WDR20: variants seen among roughly 807,000 people sequenced by gnomAD.
WDR20 encodes WD repeat domain 20, also known as WD repeat-containing protein 20.
Under a neutral mutation model 38.7 loss-of-function variants are expected in WDR20, and 3 were observed. The observed-to-expected ratio is 0.08, with a 90% CI of 0.04 to 0.20. WDR20 has a LOEUF of 0.20. WDR20 is among the 10% of genes least tolerant of loss of function. The pLI is 1.00. For synonymous variants in WDR20, 298 were observed against 285.6 expected, an observed-to-expected ratio of 1.04 and a Z score of -0.44; for missense variants, 559 against 727.7, an observed-to-expected ratio of 0.77 and a Z score of 2.67.
intron 1 of WDR20, among the ~76,000 whole-genome samples, chr14:102,176,826 C>G (rs1231780655): frequency 6.6e-6 from 1 of 151,954 alleles, no homozygotes; most frequent in African/African-American, 2.4e-5. Context: ...CTCCGCCTCC[C>G]GGGTTCATTC....
intron 1 of WDR20, among the ~76,000 whole-genome samples, chr14:102,149,478 A>G (rs1470648164): frequency 1.3e-5 from 2 of 152,244 alleles, no homozygotes; most frequent in Non-Finnish European, 2.9e-5. Context: ...TTGGGTTTCA[A>G]ATAGATAATT....
In WDR20 at chr14:102,209,891, G is replaced by T. The variant is rs376704374; in HGVS notation, c.*11G>T. ...AGTTTTAATCCTTAATGCTGCACCA[G>T]ATCTAGAACTTGAATAGGTAGTGAC... On this transcript the variant is annotated 3_prime_UTR_variant, in exon 3 of 3. Transcript: ENST00000342702. The surrounding 1 kb of genome is among the most constrained non-coding windows in gnomAD (Gnocchi z 6.0). The T allele has an allele frequency of 5.7e-6, 9 of 1,585,348 alleles. No homozygotes were observed. In the African/African-American group the frequency reaches 1.2e-4, roughly 22 times the overall value.
chr14:102,202,415 T>C (rs1337330111), intron 2 of WDR20, among the ~76,000 whole-genome samples: 2 of 137,462 alleles, frequency 1.5e-5, no homozygotes, highest in Non-Finnish European at 3.1e-5. Context: ...AGTCTCGCTC[T>C]GTCGCCCAGG....
At chr14:102,195,905 G>A (rs1180986591) in intron 2 of WDR20, 1 of 152,200 alleles carries the variant, frequency 6.6e-6, no homozygotes, top group Non-Finnish European at 1.5e-5. Context: ...AAAAGATAAG[G>A]TAGGCTTGCT....
chr14:102,150,049 G>T (rs1458859527), intron 1 of WDR20, among the ~76,000 whole-genome samples: 1 of 152,128 alleles, frequency 6.6e-6, no homozygotes, highest in East Asian at 1.9e-4. Flanking sequence ...CTAAAAACAT[G>T]CCAAATCAGT....
intron 1 of WDR20, among the ~76,000 whole-genome samples, chr14:102,147,978 G>T (rs530808035): frequency 2.6e-5 from 4 of 152,318 alleles, no homozygotes; most frequent in South Asian, 4.1e-4. Context: ...TGATCCACCT[G>T]CCTGGGCCTC....
At position 102,221,325 on chromosome 14, in the gene WDR20, T is replaced by C. The variant is rs542640829; in HGVS notation, c.1693-1505T>C. On this transcript the variant is annotated intron_variant, in intron 3 of 3. Coordinates refer to the WDR20 transcript ENST00000335263. This position sits in a 1 kb window ranked among gnomAD's most constrained non-coding sequence, Gnocchi z 4.8. ...GGTGCCTCCTGGTTCTGGAGATTTG[T>C]CACTTCCTGGACACCACATAGCTTG... Among the ~76,000 whole-genome samples, 8 of 152,338 alleles carry C rather than the reference T, an allele frequency of 5.3e-5. No homozygotes were observed. In the South Asian group the frequency reaches 1.4e-3, roughly 28 times the overall value.
chr14:102,173,019 C>T (rs930598646), intron 1 of WDR20, among the ~76,000 whole-genome samples: 2 of 150,996 alleles, frequency 1.3e-5, no homozygotes, highest in Non-Finnish European at 3.0e-5. Context: ...GATGGGCGGC[C>T]GGGCAGAGAC....
At chr14:102,139,855 A>G (rs1239919986), upstream of WDR20, 3 of 1,577,392 alleles carry the variant, frequency 1.9e-6, no homozygotes, top group Admixed American at 3.4e-5. Flanking sequence ...AAGAGGGAGC[A>G]CCAGGAACAG....
At chr14:102,201,611 T>C (rs1328700602) in intron 2 of WDR20, among the ~76,000 whole-genome samples, 1 of 151,190 alleles carries the variant, frequency 6.6e-6, no homozygotes, top group Non-Finnish European at 1.5e-5. Context: ...GCTGGAACTA[T>C]GGGGAGGGCC....
chr14:102,190,994 C>T (rs937906283), intron 1 of WDR20, among the ~76,000 whole-genome samples: 2 of 145,530 alleles, frequency 1.4e-5, no homozygotes, highest in Admixed American at 1.4e-4. Context: ...GAGCGAGACT[C>T]TATCTCAAAA....
rs761498095 is a variant in WDR20 at position 102,209,401 on chromosome 14, G to C, written c.1231G>C (p.Ala411Pro). The C allele has an allele frequency of 4.4e-5, 71 of 1,614,050 alleles. 1 individual carries two copies. The Admixed American group carries it at 1.1e-3, about 26-fold the overall frequency. The change falls in exon 3 of 3, where the codon GCT becomes CCT. Residue 411 changes from alanine (A) to proline (P), a missense_variant. Transcript: ENST00000342702. The surrounding 1 kb of genome is among the most constrained non-coding windows in gnomAD (Gnocchi z 6.0). ...TNVMNATSPP[A>P]GSNGNSVTTP... ...TGTCATGAATGCCACGAGTCCTCCT[G>C]CTGGAAGCAATGGGAACAGTGTTAC... is the stretch of plus-strand genomic sequence containing the variant.
At chr14:102,164,038 G>A (rs1187793035) in intron 1 of WDR20, among the ~76,000 whole-genome samples, 1 of 152,128 alleles carries the variant, frequency 6.6e-6, no homozygotes, top group Non-Finnish European at 1.5e-5. Context: ...GGCTTTCCTT[G>A]ATGTGGCAGC....
At chr14:102,184,906 C>T (rs1046123858) in intron 1 of WDR20, among the ~76,000 whole-genome samples, 6 of 152,088 alleles carry the variant, frequency 3.9e-5, no homozygotes, top group Non-Finnish European at 2.9e-5. Context: ...ATCAGAAGCG[C>T]GCTAGAGACA....
downstream of WDR20, among the ~76,000 whole-genome samples, chr14:102,216,033 C>T (rs531096994): frequency 1.2e-4 from 19 of 152,306 alleles, 1 homozygote; most frequent in South Asian, 3.9e-3. Flanking sequence ...ACATCCAGGT[C>T]CCACTCAGCC....
At chr14:102,168,963 C>T (rs1175973459) in intron 1 of WDR20, among the ~76,000 whole-genome samples, 1 of 152,192 alleles carries the variant, frequency 6.6e-6, no homozygotes, top group Admixed American at 6.5e-5. Flanking sequence ...TAGGTCAGAT[C>T]ATATTCTTCG....
At chr14:102,197,426 T>A (rs1178499529) in intron 2 of WDR20, among the ~76,000 whole-genome samples, 1 of 152,196 alleles carries the variant, frequency 6.6e-6, no homozygotes, top group Non-Finnish European at 1.5e-5. Flanking sequence ...AATGTTAAGT[T>A]CACTGGGGGA....
chr14:102,156,429 A>G (rs572991659), intron 1 of WDR20, among the ~76,000 whole-genome samples: 7 of 152,100 alleles, frequency 4.6e-5, no homozygotes, highest in South Asian at 4.2e-4. Flanking sequence ...CGGCCTCCCA[A>G]AGTGCTGGGA....
At chr14:102,190,817 A>T (rs1278891171) in intron 1 of WDR20, among the ~76,000 whole-genome samples, 2 of 152,102 alleles carry the variant, frequency 1.3e-5, no homozygotes, top group African/African-American at 2.4e-5. Flanking sequence ...CATGGCCAAC[A>T]TGGTAAAACC....
Sources: gnomAD v4.1 joint callset for allele counts (sites outside exome capture counted in the v4.1 genomes callset) on GRCh38, gnomAD v4.1.1 for gene constraint, Gnocchi (gnomAD v3.1) non-coding constraint, MANE v1.5 for transcripts, NCBI Gene and HGNC (gene_info 2026-07-23, HGNC 2026-07-21) for gene names.